The following TMED8 variants were observed in gnomAD, a reference collection of about 807,000 sequenced individuals.
The protein encoded by TMED8 is protein TMED8.
In TMED8, 15 loss-of-function variants were observed where a neutral mutation model predicts 32.7. The ratio of observed to expected loss-of-function variants is 0.46; its 90% CI spans 0.31 to 0.71. The LOEUF is 0.71. TMED8 is among the 30% of genes least tolerant of loss of function. The pLI is 0.06. For missense variants in TMED8, 390 were observed against 423.9 expected (o/e 0.92, Z 0.70); for synonymous variants, 147 against 161.4 (o/e 0.91, Z 0.68).
In TMED8 at chr14:77,364,091, A is replaced by C. The variant is rs2059271372; in HGVS notation, c.119-12340T>G. Among the ~76,000 whole-genome samples the C allele has an allele frequency of 2.6e-5, 4 of 152,244 alleles. No individual in the cohort carries two copies. The South Asian group carries it at 8.3e-4, about 31-fold the overall frequency. ...CCCCACACCTGGCACATCAGAGTACATTGTCAAACTGTTAGAAAATTGGCA... is the reference window on the plus strand; with the variant it reads ...CCCCACACCTGGCACATCAGAGTACCTTGTCAAACTGTTAGAAAATTGGCA... On this transcript the variant is annotated intron_variant, in intron 1 of 5. Coordinates refer to ENST00000216468, the MANE Select transcript of TMED8 (RefSeq NM_213601.3).
chr14:77,341,986 G>A lies in TMED8; in HGVS notation c.763C>T (p.Pro255Ser). 2 of 1,613,914 alleles carry A rather than the reference G, an allele frequency of 1.2e-6. No homozygotes were observed. Among genetic ancestry groups the A allele is most frequent in the Non-Finnish European group, 1.7e-6 (2 of 1,179,982 alleles). Reference sequence around the variant, plus strand: ...CTCTCCACATCTCCAGCTGGAACGGGTTCTGCGTGAGCAAAATGGCAAAGT... The same window carrying A: ...CTCTCCACATCTCCAGCTGGAACGGATTCTGCGTGAGCAAAATGGCAAAGT... Reference protein sequence around the residue: ...EEEEEEEIEEPVPAGDVERGS... With the variant: ...EEEEEEEIEESVPAGDVERGS... The change falls in exon 6 of 6, where the codon CCC becomes TCC. Residue 255 changes from proline to serine, a missense_variant and splice_region_variant. Physicochemically the swap from Pro to Ser is moderately conservative, Grantham distance 74 (BLOSUM62 -1). Coordinates refer to ENST00000216468, the MANE Select transcript of TMED8 (RefSeq NM_213601.3).
At chr14:77,357,718 A>G (rs1167968476) in intron 1 of TMED8, among the ~76,000 whole-genome samples, 1 of 152,192 alleles carries the variant, frequency 6.6e-6, no homozygotes, top group Admixed American at 6.6e-5. Context: ...TTAAGATGAC[A>G]CCACTGGTCT....
rs560708187 is a variant in TMED8 at position 77,376,725 on chromosome 14, G to A, written c.118+211C>T. 31 of 342,600 alleles carry A rather than the reference G, an allele frequency of 9.0e-5. No individual in the cohort carries two copies. Among genetic ancestry groups the A allele is most frequent in the Middle Eastern group, 1.6e-3 (2 of 1,270 alleles). The allele number at this position is 342,600 out of a possible 1,614,324, so 21.2% of individuals were successfully genotyped here. A position where few individuals can be genotyped will look rare whatever the true frequency, so the allele number is the denominator to read the frequency against. On this transcript the variant is annotated intron_variant, in intron 1 of 5. Coordinates refer to ENST00000216468, the MANE Select transcript of TMED8 (RefSeq NM_213601.3). This position sits in a 1 kb window ranked among gnomAD's most constrained non-coding sequence, Gnocchi z 4.0. ...GAAAGGAAGCGGGGCAGGAATCAAGGCATTTCGAAACAGGAGTGAGTAGAA... is the reference window on the plus strand; with the variant it reads ...GAAAGGAAGCGGGGCAGGAATCAAGACATTTCGAAACAGGAGTGAGTAGAA...
At chr14:77,352,529 A>C (rs1395623513) in intron 1 of TMED8, among the ~76,000 whole-genome samples, 2 of 152,204 alleles carry the variant, frequency 1.3e-5, no homozygotes, top group Non-Finnish European at 2.9e-5. Context: ...ACTTGAGGTC[A>C]GGAGTTCGAG....
In TMED8 at chr14:77,346,268, C is replaced by T. The variant is rs938496350; in HGVS notation, c.327+81G>A. On this transcript the variant is annotated intron_variant, in intron 3 of 5. Coordinates refer to ENST00000216468, the MANE Select transcript of TMED8 (RefSeq NM_213601.3). ...AATTCCGGGAGCCACCCTCGCAGTG[C>T]TTTCTAATTCCAACCCAACCACTAT... 80 of 1,485,716 alleles carry T rather than the reference C, an allele frequency of 5.4e-5. No homozygotes were observed. In the African/African-American group the frequency reaches 8.8e-4, roughly 16 times the overall value. The allele number at this position is 1,485,716 out of a possible 1,614,324, so 92.0% of individuals were successfully genotyped here.
intron 2 of TMED8, among the ~76,000 whole-genome samples, chr14:77,349,006 C>G (rs1893116590): frequency 6.6e-6 from 1 of 152,046 alleles, no homozygotes; most frequent in Admixed American, 6.5e-5. Flanking sequence ...TATCATCTGC[C>G]TCCTCTACTA....
chr14:77,351,422 T>C (rs962742750), intron 2 of TMED8, among the ~76,000 whole-genome samples: 2 of 140,242 alleles, frequency 1.4e-5, no homozygotes, highest in Non-Finnish European at 3.1e-5. Context: ...TTTTTTTTTT[T>C]TTTTTTTTTT....
intron 1 of TMED8, among the ~76,000 whole-genome samples, chr14:77,372,335 T>C (rs904576573): frequency 6.6e-6 from 1 of 152,264 alleles, no homozygotes; most frequent in Non-Finnish European, 1.5e-5. Flanking sequence ...CTTCGTACTT[T>C]CCCTACAAGG....
chr14:77,370,704 G>A (rs1566695221), intron 1 of TMED8, among the ~76,000 whole-genome samples: 2 of 151,772 alleles, frequency 1.3e-5, no homozygotes, highest in African/African-American at 4.8e-5. Context: ...ATTTGGTTTT[G>A]TGTAGTCTTC....
chr14:77,360,038 GTA>G (rs1337228527), intron 1 of TMED8: 5 of 154,300 alleles, frequency 3.2e-5, no homozygotes, highest in South Asian at 2.0e-4. Context: ...TTTTTAAATT[GTA>G]TATGTTTAAG....
chr14:77,374,886 T>C (rs758075766), intron 1 of TMED8, among the ~76,000 whole-genome samples: 1 of 152,222 alleles, frequency 6.6e-6, no homozygotes, highest in Non-Finnish European at 1.5e-5. Flanking sequence ...ACAGAGACCA[T>C]AACCTGTCTG....
intron 1 of TMED8, among the ~76,000 whole-genome samples, chr14:77,356,824 G>T (rs372794929): frequency 2.6e-5 from 4 of 151,828 alleles, no homozygotes; most frequent in African/African-American, 9.7e-5. Context: ...CACCACCATG[G>T]GTCTGTATAC....
At chr14:77,359,622 T>C (rs1034952337) in intron 1 of TMED8, 6 of 381,538 alleles carry the variant, frequency 1.6e-5, no homozygotes, top group Non-Finnish European at 3.1e-5. Context: ...AAAAGAAATA[T>C]TAATGAATAT....
At chr14:77,352,942 C>T (rs552909281) in intron 1 of TMED8, among the ~76,000 whole-genome samples, 1 of 152,118 alleles carries the variant, frequency 6.6e-6, no homozygotes, top group Non-Finnish European at 1.5e-5. Flanking sequence ...TTTATTTATT[C>T]AATCACTCAT....
chr14:77,353,063 T>C (rs545005605), intron 1 of TMED8, among the ~76,000 whole-genome samples: 1 of 152,318 alleles, frequency 6.6e-6, no homozygotes, highest in Non-Finnish European at 1.5e-5. Context: ...GCTGGTCTTA[T>C]CACAGCCATT....
At chr14:77,346,760 G>GTTTTTTTTTTTTTTTTTTT in intron 2 of TMED8, among the ~76,000 whole-genome samples, 1 of 69,442 alleles carries the variant, frequency 1.4e-5, no homozygotes, top group African/African-American at 5.3e-5. Flanking sequence ...TGCTGGTCTG[G>GTTTTTTTTTTTTTTTTTTT]TTTTTTTTTT....
chr14:77,346,575 C>G, intron 2 of TMED8, 97 bp from the exon 3 acceptor site: 1 of 1,450,888 alleles, frequency 6.9e-7, no homozygotes, highest in Non-Finnish European at 9.5e-7. Context: ...GAGATACCCC[C>G]TGCCCCACCT....
chr14:77,376,841 G>T lies in TMED8; in HGVS notation c.118+95C>A. The T allele has an allele frequency of 4.0e-6, 3 of 755,804 alleles. No homozygotes were observed. The highest frequency in any genetic ancestry group is 5.5e-6 in the Non-Finnish European group (3 of 549,936). The allele number at this position is 755,804 out of a possible 1,614,324, so 46.8% of individuals were successfully genotyped here. On this transcript the variant is annotated intron_variant, in intron 1 of 5. Coordinates refer to ENST00000216468, the MANE Select transcript of TMED8 (RefSeq NM_213601.3). This position sits in a 1 kb window ranked among gnomAD's most constrained non-coding sequence, Gnocchi z 4.0. Reference sequence around the variant, plus strand: ...CTGCCGAGGTGGGTCCGCTCCGCGGGGAAGCCCAGGACAGAGCGCGGCGGA... The same window carrying T: ...CTGCCGAGGTGGGTCCGCTCCGCGGTGAAGCCCAGGACAGAGCGCGGCGGA...
At chr14:77,354,761 C>G (rs955705572) in intron 1 of TMED8, among the ~76,000 whole-genome samples, 1 of 152,076 alleles carries the variant, frequency 6.6e-6, no homozygotes, top group South Asian at 2.1e-4. Flanking sequence ...CAAGACCAGC[C>G]CGGCCAACAC....
Sources: gnomAD v4.1 joint callset for allele counts (sites outside exome capture counted in the v4.1 genomes callset) on GRCh38, gnomAD v4.1.1 for gene constraint, Gnocchi (gnomAD v3.1) non-coding constraint, MANE v1.5 for transcripts, NCBI Gene and HGNC (gene_info 2026-07-23, HGNC 2026-07-21) for gene names.